FAM178B: variants seen among roughly 807,000 people sequenced by gnomAD.
FAM178B encodes protein FAM178B.
A neutral mutation model predicts 91.7 loss-of-function variants in FAM178B; 82 were observed. The ratio of observed to expected loss-of-function variants is 0.89; its 90% CI spans 0.75 to 1.07. FAM178B has a LOEUF of 1.07. Ranked by LOEUF, FAM178B falls within the 50% of genes least tolerant of loss-of-function variation. The pLI, the probability that FAM178B is intolerant of heterozygous loss-of-function variation, is 0.00. For synonymous variants in FAM178B, 368 were observed against 359.4 expected (o/e 1.02, Z -0.27); for missense variants, 769 against 846.7 (o/e 0.91, Z 1.14).
At chr2:96,967,948 C>T (rs1374716634) in intron 4 of FAM178B, among the ~76,000 whole-genome samples, 3 of 34,624 alleles carry the variant, frequency 8.7e-5, no homozygotes, top group Non-Finnish European at 4.1e-4. Flanking sequence ...TGATACCAGA[C>T]ATCACTGTGT....
At chr2:96,929,067 A>T in intron 9 of FAM178B, 139 bp downstream of exon 9, 1 of 644,252 alleles carries the variant, frequency 1.6e-6, no homozygotes, top group South Asian at 1.8e-5. Context: ...CTGAGGTGGG[A>T]GGATCACTTG....
intron 1 of FAM178B, among the ~76,000 whole-genome samples, chr2:96,974,336 C>T (rs1326535040): frequency 2.5e-4 from 33 of 131,414 alleles, no homozygotes; most frequent in Non-Finnish European, 4.2e-4. Context: ...GAGCCAAGAT[C>T]GTGCCACTGT....
Position 96,923,685 on chromosome 2 carries a change from C to T in FAM178B, c.1194-102G>A, listed in dbSNP as rs915049800. Reference sequence around the variant, plus strand: ...CACTGCTGCCCTGAGGCTGCTCATCCGCTGGACACAGCAAATTCTTCCACA... The same window carrying T: ...CACTGCTGCCCTGAGGCTGCTCATCTGCTGGACACAGCAAATTCTTCCACA... On this transcript the variant is annotated intron_variant, in intron 9 of 16. Coordinates refer to ENST00000490605, the MANE Select transcript of FAM178B (RefSeq NM_001122646.3). 3.7e-5 allele frequency: 30 copies of T among 809,138 alleles called. No homozygotes were observed. In the East Asian group the frequency reaches 4.6e-4, roughly 13 times the overall value. 50.1% of individuals were successfully genotyped at this position (809,138 alleles called of 1,614,324 possible). A position where few individuals can be genotyped will look rare whatever the true frequency, so the allele number is the denominator to read the frequency against.
chr2:96,909,877 A>C (rs2081122387), intron 12 of FAM178B, among the ~76,000 whole-genome samples: 1 of 152,216 alleles, frequency 6.6e-6, no homozygotes, highest in African/African-American at 2.4e-5. Context: ...GCCCTGGCCA[A>C]CCTGTGAGTG....
At chr2:96,938,617 A>G (rs1312960473) in intron 8 of FAM178B, among the ~76,000 whole-genome samples, 2 of 152,332 alleles carry the variant, frequency 1.3e-5, no homozygotes, top group East Asian at 3.9e-4. Flanking sequence ...CCACCCACTC[A>G]TTCAACAAAA....
At chr2:96,954,634 T>C (rs1423011084) in intron 6 of FAM178B, among the ~76,000 whole-genome samples, 1 of 152,268 alleles carries the variant, frequency 6.6e-6, no homozygotes, top group African/African-American at 2.4e-5. Flanking sequence ...TATTTATACG[T>C]ATCAGCTCCT....
chr2:96,941,965 T>G (rs1323121654), intron 8 of FAM178B, among the ~76,000 whole-genome samples: 1 of 152,178 alleles, frequency 6.6e-6, no homozygotes, highest in Non-Finnish European at 1.5e-5. Context: ...CAAGAGTATG[T>G]TTGCCTTCGA....
In FAM178B at chr2:96,890,565, T is replaced by C. The variant is rs544131514; in HGVS notation, c.1776+3361A>G. On this transcript the variant is annotated intron_variant, in intron 14 of 16. Transcript: ENST00000490605. ...TCTGGCCAGATATGGTTTATACAAG[T>C]CAGCTACGAGGAAATAAACTGCCCC... 1.2e-3 allele frequency among the ~76,000 whole-genome samples: 186 copies of C among 152,274 alleles called. 1 individual carries two copies. The highest frequency in any genetic ancestry group is 4.3e-3 in the African/African-American group (179 of 41,550).
chr2:96,914,014 C>A (rs971124930), intron 12 of FAM178B, among the ~76,000 whole-genome samples: 1 of 152,226 alleles, frequency 6.6e-6, no homozygotes, highest in Non-Finnish European at 1.5e-5. Context: ...CAGAAGAGAG[C>A]CAAACATTGT....
At chr2:96,878,324 G>A in intron 15 of FAM178B, 92 bp downstream of exon 15, 1 of 1,225,138 alleles carries the variant, frequency 8.2e-7, no homozygotes, top group Non-Finnish European at 1.2e-6. Context: ...TCCTAACAGT[G>A]GGCTGGGCGC....
chr2:96,891,035 G>A (rs538775242), intron 14 of FAM178B, among the ~76,000 whole-genome samples: 24 of 152,326 alleles, frequency 1.6e-4, no homozygotes, highest in African/African-American at 5.8e-4. Flanking sequence ...CTCACTAAGC[G>A]GGATAGTCCA....
At chr2:96,957,670 G>A (rs556732048) in intron 6 of FAM178B, among the ~76,000 whole-genome samples, 2 of 152,322 alleles carry the variant, frequency 1.3e-5, no homozygotes, top group East Asian at 3.9e-4. Context: ...AGCAGCCCAG[G>A]AAGACGCCTT....
chr2:96,966,660 T>C (rs1288058443), intron 5 of FAM178B, among the ~76,000 whole-genome samples: 1 of 152,200 alleles, frequency 6.6e-6, no homozygotes, highest in African/African-American at 2.4e-5. Context: ...CTTATGTTTG[T>C]GTCCCCCCAA....
At chr2:96,984,706 C>A (rs924214363) in intron 1 of FAM178B, among the ~76,000 whole-genome samples, 3 of 152,244 alleles carry the variant, frequency 2.0e-5, no homozygotes, top group Non-Finnish European at 2.9e-5. Context: ...CCTCTCCCAA[C>A]CACAAAGTAA....
intron 9 of FAM178B, among the ~76,000 whole-genome samples, chr2:96,924,241 G>A (rs1270735804): frequency 6.6e-6 from 1 of 152,174 alleles, no homozygotes; most frequent in African/African-American, 2.4e-5. Context: ...TTCTCCCTGG[G>A]TCCGTTCGAC....
chr2:96,918,539 C>T (rs1250974708), intron 12 of FAM178B, among the ~76,000 whole-genome samples: 1 of 152,180 alleles, frequency 6.6e-6, no homozygotes, highest in East Asian at 1.9e-4. Context: ...GAAAAATATG[C>T]ACTTTCATAC....
At chr2:96,934,522 C>A (rs71427100) in intron 8 of FAM178B, among the ~76,000 whole-genome samples, 35 of 152,036 alleles carry the variant, frequency 2.3e-4, no homozygotes, top group African/African-American at 1.9e-4. Flanking sequence ...ACAACAACAA[C>A]AAAAAAATCC....
intron 5 of FAM178B, among the ~76,000 whole-genome samples, chr2:96,965,092 C>T (rs1430978085): frequency 6.6e-6 from 1 of 152,134 alleles, no homozygotes; most frequent in East Asian, 1.9e-4. Flanking sequence ...CTCCACCTCC[C>T]GGGTTCAAGT....
intron 12 of FAM178B, among the ~76,000 whole-genome samples, chr2:96,906,204 CT>C (rs779631865): frequency 1.2e-3 from 157 of 132,904 alleles, no homozygotes; most frequent in Non-Finnish European, 1.0e-3. Flanking sequence ...CTTTTTCTTT[CT>C]TTTTTTTTTT....
Sources: allele counts gnomAD v4.1 joint callset (sites outside exome capture counted in the v4.1 genomes callset), GRCh38; gene constraint gnomAD v4.1.1; transcripts MANE v1.5; gene names NCBI Gene and HGNC (gene_info 2026-07-23, HGNC 2026-07-21).